MAP3K11: variants seen among roughly 807,000 people sequenced by gnomAD.
MAP3K11 encodes the protein mitogen-activated protein kinase kinase kinase 11.
A neutral mutation model predicts 84.9 loss-of-function variants in MAP3K11; 46 were observed. The observed-to-expected ratio is 0.54, with a 90% CI of 0.43 to 0.69. The LOEUF (loss-of-function observed/expected upper bound fraction) is 0.69. MAP3K11 is among the 30% of genes least tolerant of loss of function. The pLI, the probability that MAP3K11 is intolerant of heterozygous loss-of-function variation, is 0.00. For missense variants in MAP3K11, 1,053 were observed against 1,198.3 expected (o/e 0.88, Z 1.79); for synonymous variants, 527 against 514.7 (o/e 1.02, Z -0.32).
At position 65,598,296 on chromosome 11, in the gene MAP3K11, G is replaced by A. The variant is rs1854406537; in HGVS notation, c.2539C>T (p.Pro847Ser). 5 of 1,468,366 alleles carry A rather than the reference G, an allele frequency of 3.4e-6. No homozygotes were observed. The South Asian group carries it at 5.8e-5, about 17-fold the overall frequency. 91.0% of individuals were successfully genotyped at this position (1,468,366 alleles called of 1,614,324 possible). ...GGGGGAGTGGCCTGGCCCACTCAAG[G>A]CCCCGCTTCCGGCACCCACGGGGCC... ...AQAPWVPEAG[P>S] The change falls in exon 10 of 10, where the codon CCT becomes TCT. Residue 847 changes from proline to serine, a missense_variant. By Grantham distance (74) the Pro-to-Ser change is moderately conservative. Coordinates refer to ENST00000309100, the MANE Select transcript of MAP3K11 (RefSeq NM_002419.4).
intron 5 of MAP3K11, 82 bp from the exon 6 acceptor site, chr11:65,606,886 A>G (rs545517734): frequency 4.2e-5 from 37 of 874,318 alleles, no homozygotes; most frequent in South Asian, 3.5e-4. Flanking sequence ...GCCCAAGGCC[A>G]GCTCCCAGGC....
At chr11:65,612,142 T>G (rs1180454120) in intron 1 of MAP3K11, 1 of 152,572 alleles carries the variant, frequency 6.6e-6, no homozygotes, top group African/African-American at 2.4e-5. Flanking sequence ...CACTCTGGGC[T>G]CTAGGAGGCC....
intron 8 of MAP3K11, among the ~76,000 whole-genome samples, chr11:65,605,277 G>C (rs1055947248): frequency 7.2e-5 from 11 of 152,030 alleles, no homozygotes; most frequent in Middle Eastern, 3.4e-3. Context: ...CTGCCTGCTC[G>C]GCCTTCTCAT....
At chr11:65,599,088 C>G (rs1298322632) in intron 9 of MAP3K11, among the ~76,000 whole-genome samples, 1 of 152,160 alleles carries the variant, frequency 6.6e-6, no homozygotes, top group African/African-American at 2.4e-5. Context: ...CTCACTGCAG[C>G]CTCAACCTTT....
intron 9 of MAP3K11, 124 bp from the exon 10 acceptor site, chr11:65,598,752 C>T: frequency 1.6e-6 from 1 of 642,350 alleles, no homozygotes. Flanking sequence ...TCAACTTCCA[C>T]CGCCCTTCCT....
At chr11:65,608,604 A>ATTTCT (rs1269393077) in intron 1 of MAP3K11, 156 bp from the exon 2 acceptor site, 2 of 604,342 alleles carry the variant, frequency 3.3e-6, no homozygotes, top group South Asian at 2.1e-5. Context: ...GAGGTCAGAC[A>ATTTCT]TTTCTTTTCT....
At chr11:65,606,269 C>A in intron 6 of MAP3K11, 188 bp from the exon 7 acceptor site, 1 of 572,326 alleles carries the variant, frequency 1.7e-6, no homozygotes, top group Non-Finnish European at 2.9e-6. Context: ...TCTCATCTAG[C>A]CCTTGGGCTG....
At chr11:65,606,961 G>A (rs987082119) in intron 5 of MAP3K11, 157 bp from the exon 6 acceptor site, 3 of 592,928 alleles carry the variant, frequency 5.1e-6, no homozygotes, top group African/African-American at 4.0e-5. Context: ...TGAGCCCCTG[G>A]GTCTGGATAA....
rs572336035 is a variant in MAP3K11, at chr11:65,613,978, G to A, written c.-222C>T. On this transcript the variant is annotated 5_prime_UTR_variant, in exon 1 of 10. Coordinates refer to ENST00000309100, the MANE Select transcript of MAP3K11 (RefSeq NM_002419.4). ...CCCAGGGCAGTGTGGTCAGGCCGGGGGGGTGGGGCCCCGGGGCCTCCGGCG... is the reference window on the plus strand; with the variant it reads ...CCCAGGGCAGTGTGGTCAGGCCGGGAGGGTGGGGCCCCGGGGCCTCCGGCG... The A allele has an allele frequency of 5.1e-6, 3 of 586,162 alleles. No individual in the cohort carries two copies. The South Asian group carries it at 7.7e-5, about 15-fold the overall frequency. The allele number at this position is 586,162 out of a possible 1,614,324, so 36.3% of individuals were successfully genotyped here. A position where few individuals can be genotyped will look rare whatever the true frequency, so the allele number is the denominator to read the frequency against.
chr11:65,603,350 A>G (rs905905854), intron 8 of MAP3K11, among the ~76,000 whole-genome samples: 14 of 152,270 alleles, frequency 9.2e-5, no homozygotes, highest in African/African-American at 3.4e-4. Flanking sequence ...ATAGATAGAT[A>G]GAGGCGAAAC....
rs373571525 is a variant in MAP3K11 at position 65,606,003 on chromosome 11, C to T, written c.1682G>A (p.Arg561Gln). 5.2e-5 allele frequency: 83 copies of T among 1,601,722 alleles called. No homozygotes were observed. The highest frequency in any genetic ancestry group is 6.7e-5 in the Non-Finnish European group (79 of 1,175,246). Reference sequence around the variant, plus strand: ...ACTGGGACCCCAAGCCCAGCATGCTCGCCGCTCTCCATTGCTTGAGTCCTC... The same window carrying T: ...ACTGGGACCCCAAGCCCAGCATGCTTGCCGCTCTCCATTGCTTGAGTCCTC... Reference protein sequence around the residue: ...RLEDSSNGERRACWAWGPSSP... With the variant: ...RLEDSSNGERQACWAWGPSSP... Residue 561 changes from arginine to glutamine, a missense_variant, in exon 7 of 10, where the codon CGA (arginine) becomes CAA (glutamine). Physicochemically the swap from Arg to Gln is conservative, Grantham distance 43. Transcript: ENST00000309100.
In MAP3K11 at chr11:65,598,566, G is replaced by GTGGGGTGCC; in HGVS notation, c.2260_2268dup (p.Gly754_Pro756dup). 6.2e-7 allele frequency: 1 copy of GTGGGGTGCC among 1,602,708 alleles called. No individual in the cohort carries two copies. Among genetic ancestry groups the GTGGGGTGCC allele is most frequent in the Non-Finnish European group, 8.5e-7 (1 of 1,174,122 alleles). On this transcript the variant is annotated inframe_insertion, in exon 10 of 10. Coordinates refer to ENST00000309100, the MANE Select transcript of MAP3K11 (RefSeq NM_002419.4). ...CTGATGAGGCCCAGGGGTGGTGAAC[G>GTGGGGTGCC]TGGGGTGCCTGGGGTGCCAGGAGCA... is the stretch of plus-strand genomic sequence containing the variant.
chr11:65,607,551 G>C (rs1419867073), intron 4 of MAP3K11, 38 bp from the exon 5 acceptor site: 1 of 1,549,726 alleles, frequency 6.5e-7, no homozygotes, highest in East Asian at 2.3e-5. Flanking sequence ...GGTCAGCCTG[G>C]CACCAATCCC....
chr11:65,609,210 C>A (rs1426904160), intron 1 of MAP3K11: 1 of 152,142 alleles, frequency 6.6e-6, no homozygotes, highest in African/African-American at 2.4e-5. Flanking sequence ...TGAATCAGAA[C>A]CCCCCTTAGA....
Position 65,607,655 on chromosome 11 carries a change from G to T in MAP3K11, c.1231C>A (p.Arg411=). ...ATTCCTCGCACCTTTTCCTTGGCTC[G>T]CAGCTCGTCGAAGAGACCCTGGATC... The part of the protein sequence containing the change: ...REIQGLFDEL[R]AKEKELLSRE... Residue 411 remains arginine, a synonymous_variant, in exon 4 of 10, where the codon CGA becomes AGA. Transcript: ENST00000309100. 6.2e-7 allele frequency: 1 copy of T among 1,608,034 alleles called. No individual in the cohort carries two copies. Among genetic ancestry groups the T allele is most frequent in the Non-Finnish European group, 8.5e-7 (1 of 1,175,812 alleles).
intron 8 of MAP3K11, among the ~76,000 whole-genome samples, chr11:65,600,773 C>T (rs1428059406): frequency 6.6e-6 from 1 of 152,214 alleles, no homozygotes; most frequent in Non-Finnish European, 1.5e-5. Context: ...TTGGCTGGTC[C>T]TCTGAAGCCC....
chr11:65,608,055 C>T lies in MAP3K11; in HGVS notation c.936G>A (p.Leu312=), dbSNP rs1187280074. ...GCACCTCCCCGGTCAGCAGTTCCCA[C>T]AGCAGCACCCCAAAACTGTGGGCGA... ...GSDVWSFGVL[L]WELLTGEVPY... The change falls in exon 3 of 10, where the codon CTG becomes CTA. Residue 312 remains leucine, a synonymous_variant. Coordinates refer to ENST00000309100, the MANE Select transcript of MAP3K11 (RefSeq NM_002419.4). The T allele has an allele frequency of 1.2e-6, 2 of 1,614,072 alleles. No homozygotes were observed. Among genetic ancestry groups the T allele is most frequent in the South Asian group, 1.1e-5 (1 of 91,094 alleles).
intron 2 of MAP3K11, 80 bp downstream of exon 2, chr11:65,608,188 G>A: frequency 6.3e-7 from 1 of 1,590,094 alleles, no homozygotes; most frequent in South Asian, 1.1e-5. Context: ...CCCTGGACTT[G>A]GCCCAGCCCT....
At chr11:65,606,652 T>G (rs1284462120) in intron 6 of MAP3K11, 39 bp downstream of exon 6, 38 of 1,422,600 alleles carry the variant, frequency 2.7e-5, no homozygotes, top group Non-Finnish European at 3.6e-5. Context: ...AATAAGGAGC[T>G]GGGGGGCGGA....
Sources: allele counts gnomAD v4.1 joint callset (sites outside exome capture counted in the v4.1 genomes callset), GRCh38; gene constraint gnomAD v4.1.1; transcripts MANE v1.5; gene names NCBI Gene and HGNC (gene_info 2026-07-23, HGNC 2026-07-21).